The following RPS6KA5 variants were observed in gnomAD, a reference collection of about 807,000 sequenced individuals.
RPS6KA5 encodes the protein ribosomal protein S6 kinase alpha-5.
Under a neutral mutation model 85.5 loss-of-function variants are expected in RPS6KA5, and 27 were observed. The observed-to-expected ratio is 0.32, with a 90% CI of 0.23 to 0.44. The LOEUF (loss-of-function observed/expected upper bound fraction) is 0.44. Among genes scored for constraint, RPS6KA5 ranks in the 20% least tolerant of loss-of-function variants. RPS6KA5 has a pLI of 1.00. For synonymous variants in RPS6KA5, 334 were observed against 348.2 expected (o/e 0.96, Z 0.46); for missense variants, 811 against 980.9 (o/e 0.83, Z 2.31).
intron 3 of RPS6KA5, among the ~76,000 whole-genome samples, chr14:90,958,440 C>T (rs924036345): frequency 6.6e-6 from 1 of 152,142 alleles, no homozygotes; most frequent in Non-Finnish European, 1.5e-5. Flanking sequence ...ACATTTTGAT[C>T]TCTGATTTTG....
At chr14:91,060,082 G>C in intron 1 of RPS6KA5, 7 of 985,424 alleles carry the variant, frequency 7.1e-6, no homozygotes, top group Non-Finnish European at 8.4e-6. Context: ...GTCGGCGGCT[G>C]CGCTGGCCCC....
chr14:90,972,685 A>T (rs2039376892), intron 3 of RPS6KA5, among the ~76,000 whole-genome samples: 1 of 152,262 alleles, frequency 6.6e-6, no homozygotes, highest in Admixed American at 6.5e-5. Flanking sequence ...TCAGTAGAGG[A>T]GTAGAGGAGG....
intron 13 of RPS6KA5, among the ~76,000 whole-genome samples, chr14:90,891,946 G>C (rs1301025023): frequency 2.6e-5 from 4 of 151,666 alleles, no homozygotes; most frequent in Non-Finnish European, 5.9e-5. Context: ...CTTTGGAAAT[G>C]ACCATGTTTA....
chr14:90,912,389 C>T (rs536819473), intron 7 of RPS6KA5, among the ~76,000 whole-genome samples: 2 of 152,318 alleles, frequency 1.3e-5, no homozygotes, highest in South Asian at 2.1e-4. Flanking sequence ...ACAAGTGATA[C>T]CCGTGAAGAC....
At chr14:90,896,460 G>T (rs753652230) in intron 12 of RPS6KA5, among the ~76,000 whole-genome samples, 22 of 152,220 alleles carry the variant, frequency 1.4e-4, no homozygotes, top group Non-Finnish European at 3.1e-4. Flanking sequence ...CAGAACCTGT[G>T]GTTGTTACCT....
intron 14 of RPS6KA5, among the ~76,000 whole-genome samples, chr14:90,885,508 C>G (rs1187441061): frequency 4.5e-5 from 3 of 66,860 alleles, no homozygotes; most frequent in African/African-American, 1.9e-4. Context: ...AGCCGAGATC[C>G]CGCCACTGCA....
chr14:90,872,496 T>C (rs1595091643), intron 16 of RPS6KA5, among the ~76,000 whole-genome samples, 174 bp from the exon 17 acceptor site: 1 of 151,960 alleles, frequency 6.6e-6, no homozygotes, highest in Non-Finnish European at 1.5e-5. Context: ...GGTGGAGAAG[T>C]TCATGGGAAA....
intron 1 of RPS6KA5, among the ~76,000 whole-genome samples, chr14:91,009,985 G>C (rs1213944799): frequency 6.6e-6 from 1 of 150,552 alleles, no homozygotes; most frequent in Non-Finnish European, 1.5e-5. Context: ...GCAGCAAGAA[G>C]GTGGAAGTGC....
chr14:90,938,711 C>G (rs1243719399), intron 5 of RPS6KA5, among the ~76,000 whole-genome samples: 1 of 152,208 alleles, frequency 6.6e-6, no homozygotes, highest in Non-Finnish European at 1.5e-5. Flanking sequence ...TGAGCTGTAC[C>G]TTGGCTCCTT....
At chr14:91,017,394 C>T (rs2041549978) in intron 1 of RPS6KA5, among the ~76,000 whole-genome samples, 2 of 152,198 alleles carry the variant, frequency 1.3e-5, no homozygotes, top group African/African-American at 4.8e-5. Context: ...AATGATATTC[C>T]ACACAGCATT....
chr14:90,997,684 A>G (rs1342000809), intron 2 of RPS6KA5, among the ~76,000 whole-genome samples: 2 of 152,184 alleles, frequency 1.3e-5, no homozygotes, highest in Non-Finnish European at 2.9e-5. Flanking sequence ...AAAATGTGGT[A>G]TATCTGTACA....
intron 1 of RPS6KA5, among the ~76,000 whole-genome samples, chr14:91,051,740 C>T (rs571989040): frequency 1.0e-3 from 157 of 151,938 alleles, no homozygotes; most frequent in Admixed American, 1.8e-3. Context: ...CCACCTGCCT[C>T]GGCCTCCCAA....
At chr14:90,879,105 G>A (rs1460486065) in intron 14 of RPS6KA5, among the ~76,000 whole-genome samples, 2 of 152,310 alleles carry the variant, frequency 1.3e-5, no homozygotes, top group African/African-American at 2.4e-5. Context: ...CAGGCTCTGA[G>A]TGCCTCAAAC....
At chr14:90,964,057 T>C (rs1414811016) in intron 3 of RPS6KA5, among the ~76,000 whole-genome samples, 5 of 152,124 alleles carry the variant, frequency 3.3e-5, no homozygotes, top group African/African-American at 2.4e-5. Context: ...GGCTGTGTCG[T>C]AGGAAGACTA....
At chr14:90,983,356 T>G (rs1054561700) in intron 2 of RPS6KA5, among the ~76,000 whole-genome samples, 6 of 151,214 alleles carry the variant, frequency 4.0e-5, no homozygotes, top group African/African-American at 1.5e-4. Flanking sequence ...TCTCAGAAAT[T>G]TGAGAAGCAG....
intron 11 of RPS6KA5, among the ~76,000 whole-genome samples, chr14:90,899,787 C>T (rs548120718): frequency 5.3e-5 from 8 of 152,206 alleles, no homozygotes; most frequent in African/African-American, 1.7e-4. Flanking sequence ...AAAAATATTT[C>T]AAATACACAA....
At chr14:90,908,909 C>A (rs895715052) in intron 7 of RPS6KA5, among the ~76,000 whole-genome samples, 1 of 152,150 alleles carries the variant, frequency 6.6e-6, no homozygotes, top group Admixed American at 6.5e-5. Context: ...TCCACAAGCT[C>A]CCCCTTATTT....
At chr14:90,963,534 A>G (rs2038910990) in intron 3 of RPS6KA5, among the ~76,000 whole-genome samples, 1 of 152,194 alleles carries the variant, frequency 6.6e-6, no homozygotes, top group South Asian at 2.1e-4. Context: ...TTCTCCCATA[A>G]GGAAGAGCTT....
At chr14:90,889,294 CAAAAAAAAAAA>C (rs11450327) in intron 14 of RPS6KA5, among the ~76,000 whole-genome samples, 46 of 71,220 alleles carry the variant, frequency 6.5e-4, no homozygotes, top group African/African-American at 7.5e-4. Flanking sequence ...ACTTTGTCTC[CAAAAAAAAAAA>C]AAAAAAAAAA....
Sources: allele counts gnomAD v4.1 joint callset (sites outside exome capture counted in the v4.1 genomes callset), GRCh38; gene constraint gnomAD v4.1.1; transcripts MANE v1.5; gene names NCBI Gene and HGNC (gene_info 2026-07-23, HGNC 2026-07-21).